SLA: variants seen among roughly 807,000 people sequenced by gnomAD.
SLA encodes the protein src-like-adapter.
SLA carries 16 observed loss-of-function variants against 30.3 expected under a neutral mutation model. The observed-to-expected ratio is 0.53, with a 90% CI of 0.36 to 0.80. The LOEUF (loss-of-function observed/expected upper bound fraction) is 0.80. Among genes scored for constraint, SLA ranks in the 30% least tolerant of loss-of-function variants. The pLI, the probability that SLA is intolerant of heterozygous loss-of-function variation, is 0.01. For synonymous variants in SLA, 143 were observed against 137.8 expected (o/e 1.04, Z -0.26); for missense variants, 310 against 345.2 (o/e 0.90, Z 0.81).
chr8:133,043,462 C>T (rs138768970), intron 7 of SLA, among the ~76,000 whole-genome samples: 3 of 152,308 alleles, frequency 2.0e-5, no homozygotes, highest in Admixed American at 1.3e-4. Context: ...GCTAAGTTTT[C>T]GGATATCACA....
chr8:133,052,570 G>A (rs546212568), intron 3 of SLA, among the ~76,000 whole-genome samples: 13 of 152,312 alleles, frequency 8.5e-5, no homozygotes, highest in East Asian at 5.8e-4. Context: ...ATTCAAAAAA[G>A]GGATTCTTCC....
chr8:133,043,283 C>T (rs1838671699), intron 7 of SLA, among the ~76,000 whole-genome samples: 1 of 152,046 alleles, frequency 6.6e-6, no homozygotes, highest in South Asian at 2.1e-4. Flanking sequence ...AGAAGCTTTG[C>T]TAGGACAGCA....
intron 1 of SLA, among the ~76,000 whole-genome samples, chr8:133,090,920 C>T (rs757919205): frequency 2.8e-4 from 43 of 152,270 alleles, no homozygotes; most frequent in Admixed American, 1.1e-3. Context: ...CACGAGATGA[C>T]ACACTGGTTA....
intron 1 of SLA, among the ~76,000 whole-genome samples, chr8:133,100,969 T>TC (rs1849159692): frequency 6.6e-6 from 1 of 151,902 alleles, no homozygotes. Flanking sequence ...CGATTTTTTT[T>TC]CTGGGAAAGA....
chr8:133,041,540 C>T (rs1267851846), intron 7 of SLA, among the ~76,000 whole-genome samples: 1 of 152,122 alleles, frequency 6.6e-6, no homozygotes, highest in Non-Finnish European at 1.5e-5. Context: ...TTGAAATGAC[C>T]TCCCAGGATA....
intron 1 of SLA, among the ~76,000 whole-genome samples, chr8:133,079,909 G>A (rs1845488299): frequency 6.6e-6 from 1 of 151,846 alleles, no homozygotes; most frequent in South Asian, 2.1e-4. Flanking sequence ...ATACAAGATA[G>A]AAGTTCTCGA....
At chr8:133,043,685 A>G (rs1248137470) in intron 7 of SLA, among the ~76,000 whole-genome samples, 2 of 151,996 alleles carry the variant, frequency 1.3e-5, no homozygotes, top group Non-Finnish European at 2.9e-5. Context: ...CTGAGCAGCC[A>G]TTTTTGCCTC....
intron 1 of SLA, among the ~76,000 whole-genome samples, chr8:133,093,927 GTCGGAGCCCTCAA>G (rs1258415263): frequency 6.6e-6 from 1 of 152,212 alleles, no homozygotes; most frequent in East Asian, 1.9e-4. Context: ...GAGTGAGTTT[GTCGGAGCCCTCAA>G]TCCACAGTGG....
intron 1 of SLA, among the ~76,000 whole-genome samples, chr8:133,091,709 C>T (rs71526274): frequency 0.41 from 62,450 of 151,556 alleles, 13,791 homozygotes; most frequent in Non-Finnish European, 0.48. Flanking sequence ...TGTCCTTCTG[C>T]ACTTATGTGA....
rs1365387513 is a variant in SLA, at chr8:133,051,390, T to C, written c.62-475A>G. 4.6e-5 allele frequency among the ~76,000 whole-genome samples: 7 copies of C among 152,340 alleles called. No individual in the cohort carries two copies. The South Asian group carries it at 1.5e-3, about 32-fold the overall frequency. On this transcript the variant is annotated intron_variant, in intron 3 of 8. Transcript: ENST00000338087. The stretch of plus-strand genomic sequence containing the variant: ...ATGCCTCGGGTGTCCACTCTGGGAC[T>C]CAGAGTTGTTATATCTATGACACTT...
chr8:133,043,166 C>T (rs545464249), intron 7 of SLA, among the ~76,000 whole-genome samples: 5 of 152,198 alleles, frequency 3.3e-5, no homozygotes, highest in East Asian at 3.9e-4. Context: ...GAACATACTG[C>T]GGGAAGGCGC....
intron 1 of SLA, among the ~76,000 whole-genome samples, chr8:133,077,444 G>A (rs7827937): frequency 0.2 from 30,575 of 152,074 alleles, 3,391 homozygotes; most frequent in Non-Finnish European, 0.25. Context: ...CCCCCAGCCC[G>A]GGGTGTTTAT....
At chr8:133,039,742 A>G (rs1478485210) in intron 8 of SLA, among the ~76,000 whole-genome samples, 2 of 152,206 alleles carry the variant, frequency 1.3e-5, no homozygotes, top group Non-Finnish European at 2.9e-5. Context: ...AGCATAGAAT[A>G]AGGACTCAGT....
At chr8:133,094,432 G>T (rs915517047) in intron 1 of SLA, among the ~76,000 whole-genome samples, 3 of 151,766 alleles carry the variant, frequency 2.0e-5, no homozygotes, top group African/African-American at 7.3e-5. Flanking sequence ...AGTAGAGATG[G>T]GGTTTCACTG....
In SLA at chr8:133,074,913, G is replaced by A; in HGVS notation, c.-101C>T. On this transcript the variant is annotated 5_prime_UTR_variant, in exon 2 of 9. Transcript: ENST00000338087. Reference sequence around the variant, plus strand: ...CTGCAGAGGGATTGCTGGGTGCAGAGTCACTGCCTCTCCGTCTGTCAACTG... The same window carrying A: ...CTGCAGAGGGATTGCTGGGTGCAGAATCACTGCCTCTCCGTCTGTCAACTG... The A allele has an allele frequency of 2.0e-6, 2 of 985,590 alleles. No individual in the cohort carries two copies. Among genetic ancestry groups the A allele is most frequent in the Non-Finnish European group, 2.4e-6 (2 of 830,022 alleles). 61.1% of individuals were successfully genotyped at this position (985,590 alleles called of 1,614,324 possible).
In SLA at chr8:133,050,818, A is replaced by G; in HGVS notation, c.159T>C (p.Ser53=). The G allele has an allele frequency of 6.2e-7, 1 of 1,600,952 alleles. No individual in the cohort carries two copies. The highest frequency in any genetic ancestry group is 8.6e-7 in the Non-Finnish European group (1 of 1,167,854). ...CAAGTTTTGGAGAGCTGACTCACTC[A>G]GAAATCACACGCAGTTTCTCCCCTC... The part of the protein sequence containing the change: ...FRRGEKLRVI[S]DEGGWWKAIS... The change falls in exon 4 of 9, where the codon TCT becomes TCC. Residue 53 remains serine, a splice_region_variant and synonymous_variant. Transcript: ENST00000338087.
chr8:133,049,847 G>A (rs966488366), intron 5 of SLA, 55 bp downstream of exon 5: 2 of 1,127,896 alleles, frequency 1.8e-6, no homozygotes, highest in Non-Finnish European at 2.7e-6. Flanking sequence ...TCCACCTTAT[G>A]AGTCACCAGC....
At chr8:133,054,404 C>G (rs1175549861) in intron 3 of SLA, among the ~76,000 whole-genome samples, 1 of 152,206 alleles carries the variant, frequency 6.6e-6, no homozygotes, top group Non-Finnish European at 1.5e-5. Context: ...ACCTCCGCCA[C>G]TACACAGTGA....
At chr8:133,066,565 A>G (rs1843071456) in intron 2 of SLA, among the ~76,000 whole-genome samples, 1 of 152,228 alleles carries the variant, frequency 6.6e-6, no homozygotes, top group African/African-American at 2.4e-5. Flanking sequence ...TAAAATACCC[A>G]GATTTTCTCC....
Sources: allele counts gnomAD v4.1 joint callset (sites outside exome capture counted in the v4.1 genomes callset), GRCh38; gene constraint gnomAD v4.1.1; transcripts MANE v1.5; gene names NCBI Gene and HGNC (gene_info 2026-07-23, HGNC 2026-07-21).